The following CCNJL variants were observed in gnomAD, a reference collection of about 807,000 sequenced individuals.
The protein encoded by CCNJL is cyclin-J-like protein.
CCNJL carries 33 observed loss-of-function variants against 33.4 expected under a neutral mutation model. The observed-to-expected ratio is 0.99, with a 90% confidence interval of 0.75 to 1.32. CCNJL has a LOEUF of 1.32. Among genes scored for constraint, CCNJL ranks in the 40% most tolerant of loss-of-function variants. CCNJL has a pLI of 0.00. For synonymous variants in CCNJL, 227 were observed against 220.9 expected (o/e 1.03, Z -0.24); for missense variants, 512 against 499.7 (o/e 1.02, Z -0.23).
chr5:160,292,666 GTA>G (rs958750057), intron 2 of CCNJL, among the ~76,000 whole-genome samples: 3 of 138,954 alleles, frequency 2.2e-5, no homozygotes, highest in African/African-American at 3.1e-5. Flanking sequence ...ACATGTGTGT[GTA>G]TATATATATA....
At chr5:160,324,815 T>C (rs937487128) in intron 1 of CCNJL, among the ~76,000 whole-genome samples, 2 of 152,224 alleles carry the variant, frequency 1.3e-5, no homozygotes, top group African/African-American at 4.8e-5. Context: ...TTTCTGTTGA[T>C]GTCTTAGAGT....
rs530318114 is a variant in CCNJL, at chr5:160,325,837, T to C, written n.207-10332A>G. 8.8e-4 allele frequency among the ~76,000 whole-genome samples: 134 copies of C among 152,312 alleles called. 5 individuals are homozygous for C. The South Asian group carries it at 0.027, about 31-fold the overall frequency. The stretch of plus-strand genomic sequence containing the variant: ...CACAGCCTGTGGGCCAAATCTGACC[T>C]GGACTCTGTTTTTAGAAATAAAGTT... On this transcript the variant is annotated intron_variant and non_coding_transcript_variant, in intron 1 of 7. Transcript: ENST00000377503.
At chr5:160,320,871 C>CTCTCTTTCTT (rs1763441476) in intron 1 of CCNJL, among the ~76,000 whole-genome samples, 2 of 71,058 alleles carry the variant, frequency 2.8e-5, no homozygotes, top group Admixed American at 1.5e-4. Context: ...CTTTCTTTCT[C>CTCTCTTTCTT]TCTTTCTTTC....
At chr5:160,297,171 T>C (rs1009489600) in intron 2 of CCNJL, among the ~76,000 whole-genome samples, 13 of 152,242 alleles carry the variant, frequency 8.5e-5, no homozygotes, top group Non-Finnish European at 8.8e-5. Context: ...TATCTTCAGC[T>C]ATGCTAAGGG....
chr5:160,288,554 T>C (rs1264458132), intron 2 of CCNJL, among the ~76,000 whole-genome samples: 3 of 151,896 alleles, frequency 2.0e-5, no homozygotes, highest in African/African-American at 7.2e-5. Context: ...AATTATAAAT[T>C]ATATGTTCAC....
At chr5:160,270,879 C>T (rs955617068) in intron 3 of CCNJL, among the ~76,000 whole-genome samples, 1 of 152,168 alleles carries the variant, frequency 6.6e-6, no homozygotes, top group Admixed American at 6.5e-5. Flanking sequence ...GAACGTAGGT[C>T]TGCTCCAGTC....
At chr5:160,293,750 T>C (rs1434637358) in intron 2 of CCNJL, among the ~76,000 whole-genome samples, 1 of 152,154 alleles carries the variant, frequency 6.6e-6, no homozygotes, top group Non-Finnish European at 1.5e-5. Flanking sequence ...CACAGAAGTA[T>C]AACTGCCAAG....
intron 4 of CCNJL, among the ~76,000 whole-genome samples, chr5:160,256,060 C>T (rs1761050501): frequency 6.6e-6 from 1 of 152,000 alleles, no homozygotes; most frequent in South Asian, 2.1e-4. Context: ...GGCTAATTTT[C>T]GTATTTTTTT....
intron 3 of CCNJL, among the ~76,000 whole-genome samples, chr5:160,279,803 G>A (rs1474534518): frequency 6.6e-6 from 1 of 152,226 alleles, no homozygotes; most frequent in Non-Finnish European, 1.5e-5. Flanking sequence ...GAACTCAAGG[G>A]TTGGTCTTTA....
Position 160,251,005 on chromosome 5 carries a change from ATTAAGT to A in CCNJL, c.*2367_*2372del, listed in dbSNP as rs1418211369. 1 of 152,336 alleles carries A rather than the reference ATTAAGT, an allele frequency of 6.6e-6. No homozygotes were observed. The highest frequency in any genetic ancestry group is 1.9e-4 in the East Asian group (1 of 5,186). The allele number at this position is 152,336 out of a possible 1,614,324, so 9.4% of individuals were successfully genotyped here. On this transcript the variant is annotated 3_prime_UTR_variant, in exon 6 of 6. Transcript: ENST00000257536. ...CCAACAGCTGGTAAGTGGTGTGATC[ATTAAGT>A]TTATGTGGCAGCTTGGCTAGGCTAC...
intron 2 of CCNJL, among the ~76,000 whole-genome samples, chr5:160,292,118 G>A (rs1343950988): frequency 6.6e-6 from 1 of 152,102 alleles, no homozygotes; most frequent in Admixed American, 6.5e-5. Context: ...GAAACCCTCT[G>A]TTGCTACTTG....
intron 1 of CCNJL, chr5:160,326,912 G>A (rs1037318470): frequency 1.1e-5 from 7 of 661,604 alleles, no homozygotes; most frequent in Middle Eastern, 4.5e-4. Flanking sequence ...TCATGAATAC[G>A]ACCGAGTCGG....
chr5:160,269,771 C>A (rs979002407), intron 3 of CCNJL, among the ~76,000 whole-genome samples: 1 of 152,140 alleles, frequency 6.6e-6, no homozygotes, highest in South Asian at 2.1e-4. Flanking sequence ...CAAGGAAGGA[C>A]GTGGTCTGGC....
chr5:160,323,972 T>C (rs973293761), intron 1 of CCNJL, among the ~76,000 whole-genome samples: 5 of 152,334 alleles, frequency 3.3e-5, no homozygotes, highest in African/African-American at 4.8e-5. Flanking sequence ...AAGACTCTTC[T>C]GGTGCTCAGG....
At chr5:160,256,495 T>A (rs866588297) in intron 4 of CCNJL, among the ~76,000 whole-genome samples, 1 of 152,228 alleles carries the variant, frequency 6.6e-6, no homozygotes, top group Non-Finnish European at 1.5e-5. Context: ...GACTGAGGAA[T>A]CTTAATGTCC....
At chr5:160,287,178 C>T (rs1561793675) in intron 2 of CCNJL, among the ~76,000 whole-genome samples, 1 of 152,132 alleles carries the variant, frequency 6.6e-6, no homozygotes, top group African/African-American at 2.4e-5. Context: ...GTCACGCTGC[C>T]GTAAATGTAG....
At chr5:160,291,820 G>GC (rs1382032027) in intron 2 of CCNJL, among the ~76,000 whole-genome samples, 1 of 152,172 alleles carries the variant, frequency 6.6e-6, no homozygotes. Context: ...GCTCACAGAA[G>GC]CCCCAGGCAG....
chr5:160,304,871 T>C (rs914840475), intron 2 of CCNJL, among the ~76,000 whole-genome samples: 2 of 151,724 alleles, frequency 1.3e-5, no homozygotes, highest in Non-Finnish European at 2.9e-5. Flanking sequence ...TGGAATGCAA[T>C]GGCGTGATCT....
chr5:160,253,582 G>A lies in CCNJL; in HGVS notation c.960C>T (p.Ser320=). The stretch of plus-strand genomic sequence containing the variant: ...ATGAGCCTGTACTCCCCGAGAGCAG[G>A]CTCCCTGAACGGTGGGCCTGCAAGG... ...RDSLQAHRSG[S]LLSGSTGSSL... is the part of the protein sequence containing the mutation. The change falls in exon 6 of 6, where the codon AGC becomes AGT. Residue 320 remains serine, a synonymous_variant. Transcript: ENST00000257536. 1.2e-6 allele frequency: 2 copies of A among 1,614,114 alleles called. No homozygotes were observed. Among genetic ancestry groups the A allele is most frequent in the Non-Finnish European group, 1.7e-6 (2 of 1,180,004 alleles).
Sources: allele counts gnomAD v4.1 joint callset (sites outside exome capture counted in the v4.1 genomes callset), GRCh38; gene constraint gnomAD v4.1.1; transcripts MANE v1.5; gene names NCBI Gene and HGNC (gene_info 2026-07-23, HGNC 2026-07-21).